NT5DC3: variants seen among roughly 807,000 people sequenced by gnomAD.
The protein encoded by NT5DC3 is 5'-nucleotidase domain-containing protein 3.
A neutral mutation model predicts 67.8 loss-of-function variants in NT5DC3; 42 were observed. The observed-to-expected ratio is 0.62, with a 90% confidence interval of 0.48 to 0.80. The LOEUF is 0.80. Ranked by LOEUF, NT5DC3 falls within the 30% of genes least tolerant of loss-of-function variation. NT5DC3 has a pLI of 0.00. For missense variants in NT5DC3, 570 were observed against 696.4 expected (o/e 0.82, Z 2.04); for synonymous variants, 237 against 255.6 (o/e 0.93, Z 0.69).
At chr12:103,761,542 C>A in the NT5DC3 span, 1 of 767,014 alleles carries the variant, frequency 1.3e-6, no homozygotes, top group Non-Finnish European at 2.1e-6. Flanking sequence ...CAGCCTCCAA[C>A]CTCCAAGGTA....
chr12:103,786,285 C>A (rs999245724), intron 11 of NT5DC3, among the ~76,000 whole-genome samples: 37 of 152,100 alleles, frequency 2.4e-4, no homozygotes, highest in Middle Eastern at 3.4e-3. Context: ...TTAGGAAGAC[C>A]AGGCTAATAC....
chr12:103,807,675 T>A (rs572064999), intron 2 of NT5DC3, among the ~76,000 whole-genome samples: 2 of 152,210 alleles, frequency 1.3e-5, no homozygotes, highest in African/African-American at 4.8e-5. Flanking sequence ...GCAGCAGATA[T>A]GGTTTGGCTC....
chr12:103,835,935 G>GA (rs1208050183), intron 1 of NT5DC3, among the ~76,000 whole-genome samples: 1 of 152,192 alleles, frequency 6.6e-6, no homozygotes, highest in Non-Finnish European at 1.5e-5. Flanking sequence ...GGCGGGAGGT[G>GA]AAAGACACTT....
the NT5DC3 span, among the ~76,000 whole-genome samples, chr12:103,756,996 AATATATAT>A: frequency 3.7e-3 from 211 of 56,354 alleles, 3 homozygotes; most frequent in Admixed American, 5.2e-3. Context: ...AAGGAGGGAA[AATATATAT>A]ATATATATAT....
At chr12:103,836,998 C>G (rs1426739998) in intron 1 of NT5DC3, among the ~76,000 whole-genome samples, 1 of 152,250 alleles carries the variant, frequency 6.6e-6, no homozygotes, top group Non-Finnish European at 1.5e-5. Flanking sequence ...CCGCAATGCC[C>G]TAGCAGAAGT....
the NT5DC3 span, among the ~76,000 whole-genome samples, chr12:103,750,143 T>C: frequency 6.6e-6 from 1 of 152,248 alleles, no homozygotes. Context: ...GCACCTACTA[T>C]GTGCTCTTGC....
the NT5DC3 span, chr12:103,763,763 T>C: frequency 1.6e-5 from 11 of 675,650 alleles, no homozygotes; most frequent in Non-Finnish European, 2.5e-5. Context: ...GCAAGCTGAC[T>C]GAAGCCAGTG....
intron 11 of NT5DC3, among the ~76,000 whole-genome samples, chr12:103,786,692 T>TTTTTTTTC (rs2139318234): frequency 6.7e-6 from 1 of 150,058 alleles, no homozygotes; most frequent in Non-Finnish European, 1.5e-5. Context: ...TTTTTTTTTT[T>TTTTTTTTC]TTTTTTTTGA....
chr12:103,819,735 T>C (rs956892403), intron 1 of NT5DC3: 7 of 152,248 alleles, frequency 4.6e-5, no homozygotes, highest in Non-Finnish European at 1.0e-4. Context: ...ACTGGTAAGC[T>C]TTCTGTTTTG....
intron 2 of NT5DC3, among the ~76,000 whole-genome samples, chr12:103,812,192 C>T (rs753324425): frequency 6.6e-6 from 1 of 152,120 alleles, no homozygotes. Flanking sequence ...TGGAGAGATA[C>T]TAAATTGCAA....
chr12:103,763,285 C>A, the NT5DC3 span: 2 of 582,446 alleles, frequency 3.4e-6, no homozygotes, highest in Middle Eastern at 9.7e-4. Context: ...TGGTGGTGAT[C>A]ACAAATGGGC....
At chr12:103,835,410 C>T (rs561347176) in intron 1 of NT5DC3, among the ~76,000 whole-genome samples, 5 of 152,294 alleles carry the variant, frequency 3.3e-5, no homozygotes, top group African/African-American at 1.2e-4. Flanking sequence ...GTACCTCTAA[C>T]ACGTGAATAC....
At chr12:103,785,979 C>T (rs931074155) in intron 11 of NT5DC3, among the ~76,000 whole-genome samples, 2 of 151,738 alleles carry the variant, frequency 1.3e-5, no homozygotes, top group South Asian at 4.2e-4. Flanking sequence ...TGACAACAGG[C>T]CAGAATATCT....
chr12:103,754,272 G>A, the NT5DC3 span, among the ~76,000 whole-genome samples: 1 of 151,864 alleles, frequency 6.6e-6, no homozygotes, highest in East Asian at 1.9e-4. Context: ...TGACTTACCT[G>A]GAATGTTTGT....
At chr12:103,835,796 C>T (rs1024774231) in intron 1 of NT5DC3, among the ~76,000 whole-genome samples, 1 of 152,138 alleles carries the variant, frequency 6.6e-6, no homozygotes, top group African/African-American at 2.4e-5. Context: ...ACATCAAAGC[C>T]CAAACTCTGG....
chr12:103,753,534 G>A, the NT5DC3 span, among the ~76,000 whole-genome samples: 1 of 152,194 alleles, frequency 6.6e-6, no homozygotes, highest in Non-Finnish European at 1.5e-5. Context: ...GTCAGGGACT[G>A]TGCAGGGTAC....
chr12:103,814,606 T>A (rs576223498), intron 2 of NT5DC3, among the ~76,000 whole-genome samples: 25 of 152,358 alleles, frequency 1.6e-4, no homozygotes, highest in African/African-American at 5.8e-4. Context: ...GAATTCCTCC[T>A]AACCAGAATT....
At chr12:103,794,465 T>A (rs1886222839) in intron 6 of NT5DC3, among the ~76,000 whole-genome samples, 1 of 152,230 alleles carries the variant, frequency 6.6e-6, no homozygotes, top group African/African-American at 2.4e-5. Flanking sequence ...TGGTCCATTT[T>A]CATAGGCAGC....
the NT5DC3 span, chr12:103,759,163 C>A: frequency 6.2e-7 from 1 of 1,614,184 alleles, no homozygotes; most frequent in Non-Finnish European, 8.5e-7. Context: ...CGAGCACCAC[C>A]TCGCCAATGT....
Sources: gnomAD v4.1 joint callset for allele counts (sites outside exome capture counted in the v4.1 genomes callset) on GRCh38, gnomAD v4.1.1 for gene constraint, MANE v1.5 for transcripts, NCBI Gene and HGNC (gene_info 2026-07-23, HGNC 2026-07-21) for gene names.